Variants in SCN11A observed in about 807,000 individuals in gnomAD.
SCN11A encodes sodium voltage-gated channel alpha subunit 11.
SCN11A carries 122 observed loss-of-function variants against 162.2 expected under a neutral mutation model. The ratio of observed to expected loss-of-function variants is 0.75; its 90% CI spans 0.65 to 0.87. SCN11A has a LOEUF of 0.87. Ranked by LOEUF, SCN11A falls within the 40% of genes least tolerant of loss-of-function variation. The probability of loss-of-function intolerance (pLI) is 0.00; values close to 1 mark genes in which losing one functional copy is unlikely to be tolerated. For synonymous variants in SCN11A, 758 were observed against 751.5 expected (o/e 1.01, Z -0.14); for missense variants, 2,015 against 2,181.6 (o/e 0.92, Z 1.52).
At chr3:38,933,682 T>A (rs1166659032) in intron 7 of SCN11A, among the ~76,000 whole-genome samples, 1 of 152,074 alleles carries the variant, frequency 6.6e-6, no homozygotes, top group Non-Finnish European at 1.5e-5. Context: ...GAAAAAAGAA[T>A]AAAAAGAAAC....
At chr3:38,920,155 C>T (rs925189102) in intron 10 of SCN11A, among the ~76,000 whole-genome samples, 154 bp from the exon 11 acceptor site, 2 of 152,014 alleles carry the variant, frequency 1.3e-5, no homozygotes, top group Non-Finnish European at 2.9e-5. Flanking sequence ...GAGCCCAAGA[C>T]CTCTGGAAGG....
intron 2 of SCN11A, among the ~76,000 whole-genome samples, chr3:38,961,035 G>T (rs2066736037): frequency 6.6e-6 from 1 of 152,086 alleles, no homozygotes. Context: ...AGTCTCCCTG[G>T]AAAGTATCAC....
intron 2 of SCN11A, among the ~76,000 whole-genome samples, chr3:39,008,433 G>C (rs912441086): frequency 2.0e-5 from 3 of 152,254 alleles, no homozygotes; most frequent in Middle Eastern, 6.8e-3. Flanking sequence ...ATATAGCATA[G>C]AAGAGAAATC....
At chr3:38,910,273 A>G in intron 11 of SCN11A, 66 bp from the exon 12 acceptor site, 1 of 1,521,400 alleles carries the variant, frequency 6.6e-7, no homozygotes, top group South Asian at 1.3e-5. Context: ...TTTCCTTCCA[A>G]CGACTCTGGT....
At chr3:39,017,023 T>G (rs552294949) in intron 2 of SCN11A, among the ~76,000 whole-genome samples, 70 of 152,322 alleles carry the variant, frequency 4.6e-4, no homozygotes, top group African/African-American at 1.7e-3. Flanking sequence ...TCCCCTCAAA[T>G]TCATATGTTG....
intron 2 of SCN11A, among the ~76,000 whole-genome samples, chr3:39,003,814 C>T (rs939149336): frequency 6.6e-5 from 10 of 152,158 alleles, no homozygotes; most frequent in African/African-American, 2.4e-4. Flanking sequence ...GCTTGTTGGC[C>T]GCACATATGT....
At chr3:38,945,908 C>T (rs564549303) in intron 6 of SCN11A, among the ~76,000 whole-genome samples, 88 of 152,280 alleles carry the variant, frequency 5.8e-4, no homozygotes, top group African/African-American at 1.9e-3. Context: ...GAAAGCACTC[C>T]TCTGTTAAAT....
chr3:38,850,866 G>A, intron 28 of SCN11A, 115 bp from the exon 29 acceptor site: 1 of 808,640 alleles, frequency 1.2e-6, no homozygotes, highest in Non-Finnish European at 1.8e-6. Flanking sequence ...GCAGTTCCTT[G>A]AAAAATACAC....
intron 28 of SCN11A, among the ~76,000 whole-genome samples, chr3:38,853,684 C>A (rs1021646395): frequency 1.3e-5 from 2 of 152,190 alleles, no homozygotes; most frequent in Non-Finnish European, 2.9e-5. Context: ...AGACTGCATT[C>A]ATCATTTGCG....
chr3:38,965,980 T>A (rs535267516), intron 2 of SCN11A, among the ~76,000 whole-genome samples: 3 of 151,480 alleles, frequency 2.0e-5, no homozygotes, highest in Admixed American at 2.0e-4. Context: ...ACCCTGTCCC[T>A]TAAAAAAAAT....
chr3:38,963,834 C>T (rs2066763426), intron 2 of SCN11A, among the ~76,000 whole-genome samples: 1 of 152,122 alleles, frequency 6.6e-6, no homozygotes, highest in Admixed American at 6.5e-5. Flanking sequence ...AGAACTTACT[C>T]ATGTAACCAA....
chr3:38,870,670 C>G (rs983816925), intron 26 of SCN11A, 21 bp downstream of exon 26: 27 of 1,606,522 alleles, frequency 1.7e-5, no homozygotes, highest in African/African-American at 2.7e-5. Context: ...CACTCCAGAA[C>G]ATGGTAGAAC....
chr3:38,883,349 T>C lies in SCN11A; in HGVS notation c.3103A>G (p.Arg1035Gly). 1 of 1,614,086 alleles carries C rather than the reference T, an allele frequency of 6.2e-7. No individual in the cohort carries two copies. Among genetic ancestry groups the C allele is most frequent in the East Asian group, 2.2e-5 (1 of 44,894 alleles). ...CCFPCCSVDK[R>G]KPPWVIWWNL... ...CACCAAATGACCCAGGGAGGCTTTC[T>C]CTTGTCCACGCTACAGCATGGAAAG... is the stretch of plus-strand genomic sequence containing the variant. The change falls in exon 22 of 30, where the codon AGA (arginine) becomes GGA (glycine). Residue 1035 changes from arginine (R) to glycine (G), a missense_variant. Coordinates refer to ENST00000302328, the MANE Select transcript of SCN11A (RefSeq NM_001349253.2).
chr3:38,968,943 CCCACTAGCTA>C (rs1417705637), intron 2 of SCN11A, among the ~76,000 whole-genome samples: 1 of 152,174 alleles, frequency 6.6e-6, no homozygotes, highest in Non-Finnish European at 1.5e-5. Context: ...TATGTGGTCT[CCCACTAGCTA>C]CCATGTCCCT....
chr3:39,022,287 CT>C (rs2031471108), intron 2 of SCN11A, among the ~76,000 whole-genome samples: 1 of 152,174 alleles, frequency 6.6e-6, no homozygotes, highest in African/African-American at 2.4e-5. Flanking sequence ...ATGACTTTTC[CT>C]ATAGCTTAAT....
chr3:38,905,438 T>C lies in SCN11A; in HGVS notation c.1474-117A>G. ...GAAAGTGCTCAACATTTTCTATAGG[T>C]CTACTCACCTCGTCTTTACAGCATG... On this transcript the variant is annotated intron_variant, in intron 14 of 29. Transcript: ENST00000302328. The C allele has an allele frequency of 2.6e-6, 3 of 1,133,256 alleles. No individual in the cohort carries two copies. The South Asian group carries it at 5.0e-5, about 19-fold the overall frequency. The allele number at this position is 1,133,256 out of a possible 1,614,324, so 70.2% of individuals were successfully genotyped here.
rs963822253 is a variant in SCN11A, at chr3:38,846,135, AAC to A, written c.*557_*558del. 1 of 152,096 alleles carries A rather than the reference AAC, an allele frequency of 6.6e-6. No homozygotes were observed. The highest frequency in any genetic ancestry group is 6.5e-5 in the Admixed American group (1 of 15,282). The allele number at this position is 152,096 out of a possible 1,614,324, so 9.4% of individuals were successfully genotyped here. A position where few individuals can be genotyped will look rare whatever the true frequency, so the allele number is the denominator to read the frequency against. Reference sequence around the variant, plus strand: ...ATGTTTCTTTTCTTTTCTTTTTTGAAACAGAGTCTCACTCTGTCACCAGGCTG... The same window carrying A: ...ATGTTTCTTTTCTTTTCTTTTTTGAAAGAGTCTCACTCTGTCACCAGGCTG... On this transcript the variant is annotated 3_prime_UTR_variant, in exon 30 of 30. Transcript: ENST00000302328.
intron 2 of SCN11A, among the ~76,000 whole-genome samples, chr3:38,975,203 C>T (rs1042229023): frequency 7.9e-5 from 12 of 151,900 alleles, no homozygotes; most frequent in African/African-American, 2.9e-4. Context: ...AAAAGATCCT[C>T]ACTGAAGAAA....
At chr3:38,942,490 G>A (rs1009165462) in intron 7 of SCN11A, among the ~76,000 whole-genome samples, 1 of 152,058 alleles carries the variant, frequency 6.6e-6, no homozygotes, top group African/African-American at 2.4e-5. Flanking sequence ...TTTACAGAGT[G>A]TATTCTCTGA....
Sources: allele counts gnomAD v4.1 joint callset (sites outside exome capture counted in the v4.1 genomes callset), GRCh38; gene constraint gnomAD v4.1.1; transcripts MANE v1.5; gene names NCBI Gene and HGNC (gene_info 2026-07-23, HGNC 2026-07-21).